MAP3K14: variants seen among roughly 807,000 people sequenced by gnomAD.
MAP3K14 encodes NF-kappa-beta-inducing kinase.
MAP3K14 carries 16 observed loss-of-function variants against 99.2 expected under a neutral mutation model. The ratio of observed to expected loss-of-function variants is 0.16; its 90% CI spans 0.11 to 0.24. The LOEUF (loss-of-function observed/expected upper bound fraction) is 0.24, where lower values mean the gene tolerates loss of function less well. MAP3K14 is among the 10% of genes least tolerant of loss of function. The probability of loss-of-function intolerance (pLI) is 1.00; values close to 1 mark genes in which losing one functional copy is unlikely to be tolerated. For missense variants in MAP3K14, 784 were observed against 1,208.7 expected (o/e 0.65, Z 5.21); for synonymous variants, 462 against 492.4 (o/e 0.94, Z 0.82).
chr17:45,304,911 T>C (rs2044419349), intron 1 of MAP3K14, among the ~76,000 whole-genome samples: 1 of 152,026 alleles, frequency 6.6e-6, no homozygotes, highest in Non-Finnish European at 1.5e-5. Context: ...CAAACCTACA[T>C]GATAGAATTT....
At chr17:45,282,576 A>G (rs2044232156) in intron 6 of MAP3K14, among the ~76,000 whole-genome samples, 1 of 151,182 alleles carries the variant, frequency 6.6e-6, no homozygotes, top group East Asian at 1.9e-4. Context: ...AAAAAGAAAG[A>G]AAAGAAAAAA....
chr17:45,267,430 G>C lies in MAP3K14; in HGVS notation c.2302C>G (p.Gln768Glu). The C allele has an allele frequency of 6.2e-7, 1 of 1,601,826 alleles. No individual in the cohort carries two copies. The highest frequency in any genetic ancestry group is 8.5e-7 in the Non-Finnish European group (1 of 1,174,218). Residue 768 changes from glutamine (Q) to glutamate (E), a missense_variant, in exon 12 of 16, where the codon CAG becomes GAG. Gln to Glu is a conservative substitution (Grantham distance 29, BLOSUM62 2). Coordinates refer to ENST00000344686, the MANE Select transcript of MAP3K14 (RefSeq NM_003954.5). The surrounding 1 kb of genome is among the most constrained non-coding windows in gnomAD (Gnocchi z 5.1). ...CCTATTTCCAGCTGCTGCAGTTCCT[G>C]CTCCGGGACGGTTGCTTTCCGCTCT... is the stretch of plus-strand genomic sequence containing the variant. ...SPERKATVPE[Q>E]ELQQLEIELF...
chr17:45,294,724 G>C (rs2044335005), intron 1 of MAP3K14, among the ~76,000 whole-genome samples: 1 of 152,248 alleles, frequency 6.6e-6, no homozygotes, highest in African/African-American at 2.4e-5. Flanking sequence ...CCCAGAATCT[G>C]TACTTTTGAC....
In MAP3K14 at chr17:45,264,501, C is replaced by T. The variant is rs34843341; in HGVS notation, c.*135G>A. 3.3e-4 allele frequency: 367 copies of T among 1,125,092 alleles called. 1 individual carries two copies. In the African/African-American group the frequency reaches 5.4e-3, roughly 16 times the overall value. 69.7% of individuals were successfully genotyped at this position (1,125,092 alleles called of 1,614,324 possible). ...TCTGCTTGCCCCCACCTTGCTGCTGCGAGGCCCTGGTCCCACTGCTGAGCC... is the reference window on the plus strand; with the variant it reads ...TCTGCTTGCCCCCACCTTGCTGCTGTGAGGCCCTGGTCCCACTGCTGAGCC... On this transcript the variant is annotated 3_prime_UTR_variant, in exon 16 of 16. Coordinates refer to ENST00000344686, the MANE Select transcript of MAP3K14 (RefSeq NM_003954.5).
intron 1 of MAP3K14, among the ~76,000 whole-genome samples, chr17:45,297,542 T>C (rs1598261162): frequency 6.6e-6 from 1 of 151,756 alleles, no homozygotes; most frequent in Non-Finnish European, 1.5e-5. Flanking sequence ...AATACACACA[T>C]ACACAAACAG....
chr17:45,276,537 A>G (rs1411410018), intron 6 of MAP3K14, among the ~76,000 whole-genome samples: 1 of 151,546 alleles, frequency 6.6e-6, no homozygotes, highest in Non-Finnish European at 1.5e-5. Flanking sequence ...TTTGAGACAG[A>G]GTCTCGCTGT....
chr17:45,306,172 C>T lies in MAP3K14; in HGVS notation c.-21+10788G>A, dbSNP rs567532658. ...CTGTGAGCAAGGCACTAATGTTATC[C>T]GTTTACAAGGAGGAAGAAACTGGGC... On this transcript the variant is annotated intron_variant, in intron 1 of 15. Transcript: ENST00000344686. 3.9e-5 allele frequency among the ~76,000 whole-genome samples: 6 copies of T among 152,226 alleles called. No individual in the cohort carries two copies. In the South Asian group the frequency reaches 8.3e-4, roughly 21 times the overall value.
rs1433002546 is a variant in MAP3K14 at position 45,267,784 on chromosome 17, G to A, written c.1973-25C>T. ...ACTAGAAAACAGAGAGTACAATGGT[G>A]AGGGGAAGCGTGCTGTGCACAGACA... On this transcript the variant is annotated intron_variant, in intron 11 of 15. Coordinates refer to ENST00000344686, the MANE Select transcript of MAP3K14 (RefSeq NM_003954.5). The surrounding 1 kb of genome is among the most constrained non-coding windows in gnomAD (Gnocchi z 5.1). 2.0e-5 allele frequency: 31 copies of A among 1,581,622 alleles called. No individual in the cohort carries two copies. The highest frequency in any genetic ancestry group is 2.6e-5 in the Non-Finnish European group (30 of 1,164,424).
chr17:45,273,343 G>A (rs1220844037), intron 9 of MAP3K14, among the ~76,000 whole-genome samples, 160 bp downstream of exon 9: 1 of 152,162 alleles, frequency 6.6e-6, no homozygotes, highest in East Asian at 1.9e-4. Context: ...TCACATTTAC[G>A]CGTAACAAAG....
rs1285472160 is a variant in MAP3K14 at position 45,272,492 on chromosome 17, C to A, written c.1657+1011G>T. On this transcript the variant is annotated intron_variant, in intron 9 of 15. Transcript: ENST00000344686. The surrounding 1 kb of genome is among the most constrained non-coding windows in gnomAD (Gnocchi z 4.1). ...GCCAACATAGTCCTTTAACAACACA[C>A]AATCATATACTTCCAAAGATTCTTT... Among the ~76,000 whole-genome samples, 1 of 152,166 alleles carries A rather than the reference C, an allele frequency of 6.6e-6. No homozygotes were observed. The highest frequency in any genetic ancestry group is 1.5e-5 in the Non-Finnish European group (1 of 68,034).
rs748126863 is a variant in MAP3K14, at chr17:45,286,386, G to A, written c.1152+45C>T. ...GATAAAGAGAGAAAAGCATCCCCCA[G>A]GTTGCTGGTAGAGGGACATATACAG... On this transcript the variant is annotated intron_variant, in intron 5 of 15. Coordinates refer to ENST00000344686, the MANE Select transcript of MAP3K14 (RefSeq NM_003954.5). This position sits in a 1 kb window ranked among gnomAD's most constrained non-coding sequence, Gnocchi z 4.1. The A allele has an allele frequency of 2.0e-6, 3 of 1,514,874 alleles. No individual in the cohort carries two copies. The highest frequency in any genetic ancestry group is 1.4e-5 in the African/African-American group (1 of 72,108). The allele number at this position is 1,514,874 out of a possible 1,614,324, so 93.8% of individuals were successfully genotyped here. A position where few individuals can be genotyped will look rare whatever the true frequency, so the allele number is the denominator to read the frequency against.
intron 1 of MAP3K14, chr17:45,290,977 C>T: frequency 1.9e-6 from 1 of 526,704 alleles, no homozygotes; most frequent in Non-Finnish European, 3.4e-6. Context: ...GTCCCCCGGT[C>T]CTCCCAGTAC....
intron 14 of MAP3K14, chr17:45,266,264 C>T (rs533582512): frequency 2.6e-6 from 1 of 380,846 alleles, no homozygotes; most frequent in South Asian, 8.9e-5. Flanking sequence ...AGAGACTGCT[C>T]TCCTCCCCAA....
chr17:45,277,648 C>T (rs1248696688), intron 6 of MAP3K14, among the ~76,000 whole-genome samples: 2 of 152,326 alleles, frequency 1.3e-5, no homozygotes, highest in South Asian at 4.1e-4. Flanking sequence ...CACCCCCAAA[C>T]TGAGCTGAGG....
chr17:45,302,051 G>A (rs755407937), intron 1 of MAP3K14, among the ~76,000 whole-genome samples: 58 of 151,610 alleles, frequency 3.8e-4, no homozygotes, highest in Admixed American at 3.3e-4. Flanking sequence ...GGCTGGTCTT[G>A]AACTCTTGAG....
At chr17:45,274,381 A>C in intron 7 of MAP3K14, 83 bp downstream of exon 7, 1 of 1,588,702 alleles carries the variant, frequency 6.3e-7, no homozygotes, top group Non-Finnish European at 8.6e-7. Context: ...TGGATAGATC[A>C]GTGACCAAGG....
At chr17:45,265,517 A>G (rs1464486032) in intron 14 of MAP3K14, among the ~76,000 whole-genome samples, 4 of 152,196 alleles carry the variant, frequency 2.6e-5, no homozygotes. Flanking sequence ...AGTTCACTGC[A>G]ACCTTTACCT....
rs747521762 is a variant in MAP3K14, at chr17:45,290,715, C to T, written c.31G>A (p.Ala11Thr). ...TGCTGCCCCACTGCTGAGCCAGGGG[C>T]ACCTGGGCAGGCCATTTCCATCACT... MAVMEMACPG[A>T]PGSAVGQQKE... The change falls in exon 2 of 16, where the codon GCC becomes ACC. Residue 11 changes from alanine (A) to threonine (T), a missense_variant. Physicochemically the swap from Ala to Thr is moderately conservative, Grantham distance 58. Transcript: ENST00000344686. 1.9e-6 allele frequency: 3 copies of T among 1,613,454 alleles called. No individual in the cohort carries two copies. Among genetic ancestry groups the T allele is most frequent in the East Asian group, 4.5e-5 (2 of 44,788 alleles).
intron 3 of MAP3K14, among the ~76,000 whole-genome samples, chr17:45,288,026 G>A (rs11574815): frequency 0.097 from 14,729 of 152,190 alleles, 884 homozygotes; most frequent in Admixed American, 0.14. Flanking sequence ...TAAAGGACCC[G>A]GCAACAGATG....
Sources: allele counts gnomAD v4.1 joint callset (sites outside exome capture counted in the v4.1 genomes callset), GRCh38; gene constraint gnomAD v4.1.1; non-coding constraint Gnocchi (gnomAD v3.1); transcripts MANE v1.5; gene names NCBI Gene and HGNC (gene_info 2026-07-23, HGNC 2026-07-21).